NCMAP: variants seen among roughly 807,000 people sequenced by gnomAD.
NCMAP encodes noncompact myelin-associated protein.
In NCMAP, 8 loss-of-function variants were observed where a neutral mutation model predicts 7.8. The ratio of observed to expected loss-of-function variants is 1.02; its 90% CI spans 0.60 to 1.84. The LOEUF is 1.84. NCMAP is among the 40% of genes most tolerant of loss of function. NCMAP has a pLI of 0.00. For missense variants in NCMAP, 112 were observed against 131.4 expected (o/e 0.85, Z 0.72); for synonymous variants, 41 against 52.9 (o/e 0.78, Z 0.98).
chr1:24,579,580 A>T (rs1442263317), intron 1 of NCMAP, among the ~76,000 whole-genome samples: 1 of 152,038 alleles, frequency 6.6e-6, no homozygotes, highest in East Asian at 1.9e-4. Context: ...CAAAACTAAA[A>T]ATTAAAAAAG....
At chr1:24,585,331 T>C (rs181586328) in intron 1 of NCMAP, among the ~76,000 whole-genome samples, 100 of 152,300 alleles carry the variant, frequency 6.6e-4, no homozygotes, top group Non-Finnish European at 1.1e-3. Flanking sequence ...TCTTGTGCAC[T>C]GCTGTTGCCA....
chr1:24,591,327 G>A (rs540264547), intron 1 of NCMAP, among the ~76,000 whole-genome samples: 12 of 152,164 alleles, frequency 7.9e-5, no homozygotes, highest in South Asian at 4.2e-4. Context: ...GTGCAGTGGC[G>A]CAATCTTGGC....
At chr1:24,578,036 G>T (rs1282384231) in intron 1 of NCMAP, among the ~76,000 whole-genome samples, 5 of 152,098 alleles carry the variant, frequency 3.3e-5, no homozygotes, top group African/African-American at 1.2e-4. Flanking sequence ...GCTGAGGCGG[G>T]TGGATCACTT....
Position 24,597,617 on chromosome 1 carries a change from G to GAGAAAGAAAGAAAGAAAGAA in NCMAP, c.82+2143_82+2162dup, listed in dbSNP as rs71032831. Reference sequence around the variant, plus strand: ...AAGAAGAAAGAAAGAAAGAAAGAAAGAGAAAGAAAGAAAGAAAGAAAGAAA... The same window carrying GAGAAAGAAAGAAAGAAAGAA: ...AAGAAGAAAGAAAGAAAGAAAGAAAGAGAAAGAAAGAAAGAAAGAAAGAAAGAAAGAAAGAAAGAAAGAAA... On this transcript the variant is annotated intron_variant, in intron 2 of 3. Transcript: ENST00000374392. Among the ~76,000 whole-genome samples the GAGAAAGAAAGAAAGAAAGAA allele has an allele frequency of 2.5e-4, 22 of 87,528 alleles. 1 individual carries two copies. The highest frequency in any genetic ancestry group is 4.6e-4 in the South Asian group (1 of 2,184). 57.4% of individuals were successfully genotyped at this position (87,528 alleles called of 152,430 possible).
In NCMAP at chr1:24,581,401, G is replaced by A. The variant is rs980818686; in HGVS notation, c.-7-14023G>A. Among the ~76,000 whole-genome samples the A allele has an allele frequency of 1.4e-4, 22 of 152,330 alleles. No homozygotes were observed. In the East Asian group the frequency reaches 4.0e-3, roughly 28 times the overall value. Reference sequence around the variant, plus strand: ...CAAAATGCTGGGATTACAGGCATGAGCCACTGTGACCGGCCCCTGCTTTCT... The same window carrying A: ...CAAAATGCTGGGATTACAGGCATGAACCACTGTGACCGGCCCCTGCTTTCT... On this transcript the variant is annotated intron_variant, in intron 1 of 3. Coordinates refer to ENST00000374392, the MANE Select transcript of NCMAP (RefSeq NM_001010980.5).
chr1:24,587,073 G>T (rs1280576951), intron 1 of NCMAP, among the ~76,000 whole-genome samples: 1 of 152,112 alleles, frequency 6.6e-6, no homozygotes, highest in African/African-American at 2.4e-5. Context: ...GTTGGCCAAG[G>T]TCACACAGCT....
chr1:24,561,906 G>A (rs868842474), intron 1 of NCMAP, among the ~76,000 whole-genome samples: 12 of 70,612 alleles, frequency 1.7e-4, no homozygotes, highest in Non-Finnish European at 3.2e-4. Flanking sequence ...GCGAGACTTC[G>A]TCTCAAAAAA....
chr1:24,592,230 G>A (rs1652068380), intron 1 of NCMAP, among the ~76,000 whole-genome samples: 1 of 152,182 alleles, frequency 6.6e-6, no homozygotes, highest in South Asian at 2.1e-4. Context: ...TTTCACTACT[G>A]GATATTGCAG....
At chr1:24,592,077 G>A (rs1224195171) in intron 1 of NCMAP, among the ~76,000 whole-genome samples, 1 of 152,246 alleles carries the variant, frequency 6.6e-6, no homozygotes, top group African/African-American at 2.4e-5. Flanking sequence ...GGAGGCCAAT[G>A]CCTGGGGCAG....
At chr1:24,604,636 ATATATATATATATATATG>A (rs1652652739) in intron 3 of NCMAP, among the ~76,000 whole-genome samples, 1 of 89,832 alleles carries the variant, frequency 1.1e-5, no homozygotes, top group South Asian at 3.7e-4. Flanking sequence ...ATATATATAT[ATATATATATATATATATG>A]TCAGCAAGAT....
chr1:24,558,902 A>G (rs1385837806), intron 1 of NCMAP, among the ~76,000 whole-genome samples: 3 of 152,198 alleles, frequency 2.0e-5, no homozygotes, highest in Non-Finnish European at 4.4e-5. Context: ...ATGAAAGGTT[A>G]AAAAGAAAAG....
intron 2 of NCMAP, among the ~76,000 whole-genome samples, chr1:24,597,651 GAAAGAAA>G (rs1652295659): frequency 1.5e-5 from 2 of 133,574 alleles, no homozygotes; most frequent in African/African-American, 5.9e-5. Flanking sequence ...AAGAAAGAAA[GAAAGAAA>G]GAAAGAAAGA....
chr1:24,581,997 A>T (rs1651760618), intron 1 of NCMAP, among the ~76,000 whole-genome samples: 1 of 152,130 alleles, frequency 6.6e-6, no homozygotes, highest in African/African-American at 2.4e-5. Context: ...ACTTACATGA[A>T]ATCAGCTTGC....
At chr1:24,595,259 C>A (rs192777040) in intron 1 of NCMAP, among the ~76,000 whole-genome samples, 165 bp from the exon 2 acceptor site, 2 of 152,208 alleles carry the variant, frequency 1.3e-5, no homozygotes, top group African/African-American at 4.8e-5. Flanking sequence ...GTATTAAATC[C>A]CCACCCACGG....
intron 1 of NCMAP, among the ~76,000 whole-genome samples, chr1:24,566,030 A>G (rs550781957): frequency 1.2e-4 from 19 of 152,210 alleles, no homozygotes; most frequent in Middle Eastern, 3.4e-3. Context: ...CCACCTTGTG[A>G]AGAAGTTACC....
chr1:24,605,565 C>T (rs1652693460), intron 3 of NCMAP, 41 bp from the exon 4 acceptor site: 1 of 1,602,184 alleles, frequency 6.2e-7, no homozygotes, highest in Non-Finnish European at 8.5e-7. Context: ...CGCGGCATAC[C>T]AGGGGAAAGA....
intron 3 of NCMAP, among the ~76,000 whole-genome samples, chr1:24,601,586 T>C (rs1652492684): frequency 6.6e-6 from 1 of 152,174 alleles, no homozygotes; most frequent in Non-Finnish European, 1.5e-5. Context: ...AAACATATCA[T>C]AGAAGACCTA....
At position 24,575,806 on chromosome 1, in the gene NCMAP, G is replaced by A. The variant is rs939506345; in HGVS notation, c.-7-19618G>A. Among the ~76,000 whole-genome samples, 44 of 151,740 alleles carry A rather than the reference G, an allele frequency of 2.9e-4. 1 individual carries two copies. Among genetic ancestry groups the A allele is most frequent in the African/African-American group, 7.7e-4 (32 of 41,360 alleles). ...GCTAAAAATACAAAATTAGCCGGGC[G>A]TGGTGGCATGTGCCTGTAATTCCAG... On this transcript the variant is annotated intron_variant, in intron 1 of 3. Transcript: ENST00000374392.
At chr1:24,574,740 A>C (rs1651495136) in intron 1 of NCMAP, among the ~76,000 whole-genome samples, 1 of 150,894 alleles carries the variant, frequency 6.6e-6, no homozygotes. Flanking sequence ...CTCTGAGAGA[A>C]CCCTGAACCA....
Sources: gnomAD v4.1 joint callset for allele counts (sites outside exome capture counted in the v4.1 genomes callset) on GRCh38, gnomAD v4.1.1 for gene constraint, MANE v1.5 for transcripts, NCBI Gene and HGNC (gene_info 2026-07-23, HGNC 2026-07-21) for gene names.